Variants in SDK1 observed in about 807,000 individuals in gnomAD.
The protein encoded by SDK1 is protein sidekick-1.
Under a neutral mutation model 245.5 loss-of-function variants are expected in SDK1, and 157 were observed. That is an observed-to-expected ratio of 0.64 (90% CI 0.56 to 0.73). SDK1 has a LOEUF of 0.73. SDK1 is among the 30% of genes least tolerant of loss of function. SDK1 has a pLI of 0.00. For synonymous variants in SDK1, 1,647 were observed against 1,278.5 expected (o/e 1.29, Z -6.15); for missense variants, 3,583 against 3,002.3 (o/e 1.19, Z -4.52).
chr7:3,850,186 G>A (rs1450081969), intron 5 of SDK1, among the ~76,000 whole-genome samples: 1 of 152,180 alleles, frequency 6.6e-6, no homozygotes, highest in African/African-American at 2.4e-5. Flanking sequence ...GTCTGGCCCT[G>A]CCACTCATCA....
rs760106421 is a variant in SDK1, at chr7:4,245,733, C to A, written c.6309C>A (p.Asn2103Lys). The A allele has an allele frequency of 2.4e-5, 38 of 1,613,992 alleles. No homozygotes were observed. Among genetic ancestry groups the A allele is most frequent in the Non-Finnish European group, 3.1e-5 (36 of 1,180,004 alleles). The change falls in exon 44 of 45, where the codon AAC becomes AAA. Residue 2103 changes from asparagine to lysine, a missense_variant. Coordinates refer to ENST00000404826, the MANE Select transcript of SDK1 (RefSeq NM_152744.4). ...GLHYSDEDIC[N>K]KYNGAVLTES... is the part of the protein sequence containing the mutation. ...ACTACTCAGACGAGGACATCTGCAACAAGTACAACGGCGCCGTGCTGACCG... is the reference window on the plus strand; with the variant it reads ...ACTACTCAGACGAGGACATCTGCAAAAAGTACAACGGCGCCGTGCTGACCG...
intron 1 of SDK1, among the ~76,000 whole-genome samples, chr7:3,578,650 G>T (rs1293194740): frequency 2.0e-5 from 3 of 151,740 alleles, no homozygotes; most frequent in Non-Finnish European, 4.4e-5. Context: ...TTATCTTAGG[G>T]TCTTAATATT....
At chr7:4,028,424 TG>T (rs1787531110) in intron 17 of SDK1, among the ~76,000 whole-genome samples, 4 of 152,184 alleles carry the variant, frequency 2.6e-5, no homozygotes, top group African/African-American at 7.2e-5. Context: ...CATCACCACG[TG>T]TGCAGGCAAA....
chr7:3,326,470 A>G (rs1562415779), intron 1 of SDK1, among the ~76,000 whole-genome samples: 3 of 152,136 alleles, frequency 2.0e-5, no homozygotes. Flanking sequence ...ATTATAAACT[A>G]TGCTATGATG....
rs150578081 is a variant in SDK1, at chr7:4,158,540, C to T, written c.4718C>T (p.Thr1573Met). 2.2e-5 allele frequency: 36 copies of T among 1,612,646 alleles called. No homozygotes were observed. The highest frequency in any genetic ancestry group is 5.0e-5 in the Admixed American group (3 of 60,000). Residue 1573 changes from threonine to methionine, a missense_variant, in exon 31 of 45, where the codon ACG becomes ATG. Thr to Met is a moderately conservative substitution (Grantham distance 81). Transcript: ENST00000404826. Reference protein sequence around the residue: ...DFSSETEAVTTLQDVPGEPPG... With the variant: ...DFSSETEAVTMLQDVPGEPPG... The stretch of plus-strand genomic sequence containing the variant: ...AGTTCAGAGACAGAGGCGGTGACCA[C>T]GCTGCAGGATGGTGAGCAACCCGGG...
intron 4 of SDK1, among the ~76,000 whole-genome samples, chr7:3,670,013 G>C (rs1345330561): frequency 6.6e-6 from 1 of 152,120 alleles, no homozygotes; most frequent in Non-Finnish European, 1.5e-5. Context: ...TCAATCACCA[G>C]TTTCTCTTAT....
At chr7:3,431,371 T>G (rs1170558612) in intron 1 of SDK1, among the ~76,000 whole-genome samples, 11 of 151,094 alleles carry the variant, frequency 7.3e-5, no homozygotes, top group Non-Finnish European at 1.3e-4. Context: ...TTTTTTTTTT[T>G]TTTTTTTTTT....
At chr7:4,153,367 C>T (rs1051246394) in intron 30 of SDK1, among the ~76,000 whole-genome samples, 5 of 152,010 alleles carry the variant, frequency 3.3e-5, no homozygotes, top group African/African-American at 1.2e-4. Flanking sequence ...GGGTGGATCA[C>T]CTGAGGTCAG....
chr7:3,556,573 C>T (rs773992860), intron 1 of SDK1, among the ~76,000 whole-genome samples: 3 of 151,966 alleles, frequency 2.0e-5, no homozygotes, highest in Non-Finnish European at 4.4e-5. Context: ...GTAATCCCAG[C>T]ACTTTGGGAG....
chr7:4,247,763 G>T (rs1451852754), intron 44 of SDK1, among the ~76,000 whole-genome samples: 7 of 152,170 alleles, frequency 4.6e-5, no homozygotes, highest in Non-Finnish European at 8.8e-5. Context: ...GCCCACCCCA[G>T]CCCCATGAGG....
chr7:4,079,419 G>A lies in SDK1; in HGVS notation c.3203-44G>A, dbSNP rs1356697530. The A allele has an allele frequency of 2.5e-6, 4 of 1,609,728 alleles. No individual in the cohort carries two copies. The Admixed American group carries it at 6.7e-5, about 27-fold the overall frequency. On this transcript the variant is annotated intron_variant, in intron 21 of 44. Coordinates refer to ENST00000404826, the MANE Select transcript of SDK1 (RefSeq NM_152744.4). Reference sequence around the variant, plus strand: ...ACGTTTGATACCTTTCCTAAGCTGTGACGGACTGTAAATCTCTCCCTTTCC... The same window carrying A: ...ACGTTTGATACCTTTCCTAAGCTGTAACGGACTGTAAATCTCTCCCTTTCC...
At chr7:4,030,982 G>C (rs1167783786) in intron 17 of SDK1, among the ~76,000 whole-genome samples, 1 of 152,106 alleles carries the variant, frequency 6.6e-6, no homozygotes. Flanking sequence ...AAAGGACCAG[G>C]TTTCATAACA....
intron 1 of SDK1, among the ~76,000 whole-genome samples, chr7:3,382,055 C>G (rs1232743906): frequency 6.6e-6 from 1 of 152,142 alleles, no homozygotes; most frequent in African/African-American, 2.4e-5. Flanking sequence ...AAACACCTTC[C>G]CTATGCACAA....
chr7:3,907,446 C>T (rs780725347), intron 5 of SDK1, among the ~76,000 whole-genome samples: 1 of 152,164 alleles, frequency 6.6e-6, no homozygotes, highest in Non-Finnish European at 1.5e-5. Context: ...GTGTCAAAAA[C>T]TCATTGCTTT....
chr7:4,149,141 G>A, intron 29 of SDK1, 121 bp from the exon 30 acceptor site: 1 of 651,584 alleles, frequency 1.5e-6, no homozygotes, highest in Non-Finnish European at 2.3e-6. Flanking sequence ...GACTGTCCAA[G>A]GCATGCAGGC....
At chr7:4,255,394 T>C (rs999089403) in intron 44 of SDK1, among the ~76,000 whole-genome samples, 2 of 152,178 alleles carry the variant, frequency 1.3e-5, no homozygotes, top group Non-Finnish European at 2.9e-5. Context: ...ACAATAGCCT[T>C]CTTCTTCCAT....
chr7:3,424,928 T>C (rs1001742325), intron 1 of SDK1, among the ~76,000 whole-genome samples: 5 of 152,000 alleles, frequency 3.3e-5, no homozygotes, highest in African/African-American at 1.2e-4. Flanking sequence ...CTTGGAAAAA[T>C]AAAACCTAAA....
intron 1 of SDK1, among the ~76,000 whole-genome samples, chr7:3,612,140 T>TA (rs1448138269): frequency 1.3e-5 from 2 of 152,160 alleles, no homozygotes; most frequent in Admixed American, 6.5e-5. Context: ...GGGTACAGTG[T>TA]ACACTGCTCA....
chr7:4,211,558 G>T (rs929794511), intron 38 of SDK1, among the ~76,000 whole-genome samples: 17 of 152,180 alleles, frequency 1.1e-4, no homozygotes, highest in African/African-American at 3.6e-4. Flanking sequence ...TGTGGCTGCT[G>T]CTCTGCACCT....
Sources: gnomAD v4.1 joint callset for allele counts (sites outside exome capture counted in the v4.1 genomes callset) on GRCh38, gnomAD v4.1.1 for gene constraint, MANE v1.5 for transcripts, NCBI Gene and HGNC (gene_info 2026-07-23, HGNC 2026-07-21) for gene names.